The following MAP3K7CL variants were observed in gnomAD, a reference collection of about 807,000 sequenced individuals.
MAP3K7CL encodes MAP3K7 C-terminal like.
In MAP3K7CL, 16 loss-of-function variants were observed where a neutral mutation model predicts 18.6. That is an observed-to-expected ratio of 0.86 (90% confidence interval 0.58 to 1.31). The LOEUF (loss-of-function observed/expected upper bound fraction) is 1.31, where lower values mean the gene tolerates loss of function less well. MAP3K7CL is among the 50% of genes most tolerant of loss of function. MAP3K7CL has a pLI of 0.00. For missense variants in MAP3K7CL, 163 were observed against 174.4 expected, an observed-to-expected ratio of 0.93 and a Z score of 0.37; for synonymous variants, 65 against 66.8, an observed-to-expected ratio of 0.97 and a Z score of 0.13.
At chr21:29,121,754 A>T (rs1408766627) in intron 4 of MAP3K7CL, among the ~76,000 whole-genome samples, 1 of 151,734 alleles carries the variant, frequency 6.6e-6, no homozygotes, top group Non-Finnish European at 1.5e-5. Context: ...AAATGTCTGA[A>T]GGGTACTTAG....
At chr21:29,146,508 C>G (rs1407566097) in intron 2 of MAP3K7CL, among the ~76,000 whole-genome samples, 1 of 152,150 alleles carries the variant, frequency 6.6e-6, no homozygotes, top group Non-Finnish European at 1.5e-5. Flanking sequence ...TTTAACAAGG[C>G]ACAGTAATTG....
chr21:29,104,869 G>T (rs1293097025), intron 4 of MAP3K7CL, among the ~76,000 whole-genome samples: 1 of 152,074 alleles, frequency 6.6e-6, no homozygotes, highest in East Asian at 1.9e-4. Flanking sequence ...TCATGCCTTG[G>T]CCTAAGACTC....
chr21:29,104,734 G>A (rs954778544), intron 4 of MAP3K7CL, among the ~76,000 whole-genome samples: 1 of 152,202 alleles, frequency 6.6e-6, no homozygotes, highest in Non-Finnish European at 1.5e-5. Context: ...ACTCCAGGAA[G>A]CATCACCCCA....
chr21:29,098,246 T>A (rs2086157984), intron 4 of MAP3K7CL, among the ~76,000 whole-genome samples: 1 of 152,142 alleles, frequency 6.6e-6, no homozygotes, highest in African/African-American at 2.4e-5. Flanking sequence ...TTAAGAGGGA[T>A]TTTTCTCTCC....
At chr21:29,092,302 A>AACTCCAGTTTTTAGG in intron 3 of MAP3K7CL, 1 of 946,264 alleles carries the variant, frequency 1.1e-6, no homozygotes, top group Non-Finnish European at 1.6e-6. Context: ...TCCAGATTTA[A>AACTCCAGTTTTTAGG]ACCATTAACA....
At chr21:29,101,816 ATATT>A (rs1051864562) in intron 4 of MAP3K7CL, among the ~76,000 whole-genome samples, 28 of 152,192 alleles carry the variant, frequency 1.8e-4, no homozygotes, top group African/African-American at 6.8e-4. Context: ...TCAAATATAT[ATATT>A]TATTTATAAG....
At chr21:29,112,255 G>A (rs1163501850) in intron 4 of MAP3K7CL, among the ~76,000 whole-genome samples, 3 of 152,048 alleles carry the variant, frequency 2.0e-5, no homozygotes, top group Non-Finnish European at 2.9e-5. Flanking sequence ...CTGAGATCAC[G>A]CCATTGCACT....
Position 29,106,078 on chromosome 21 carries a change from G to A in MAP3K7CL, c.370+13497G>A, listed in dbSNP as rs541666364. On this transcript the variant is annotated intron_variant, in intron 4 of 6. Transcript: ENST00000286791. Reference sequence around the variant, plus strand: ...GGCTCTAAGATCAAGCCAGACTGGGGTATAAGTAACCTATATGGAATTTCC... The same window carrying A: ...GGCTCTAAGATCAAGCCAGACTGGGATATAAGTAACCTATATGGAATTTCC... 3.3e-5 allele frequency among the ~76,000 whole-genome samples: 5 copies of A among 152,154 alleles called. No individual in the cohort carries two copies. In the South Asian group the frequency reaches 8.3e-4, roughly 25 times the overall value.
upstream of MAP3K7CL, among the ~76,000 whole-genome samples, chr21:29,083,988 T>G (rs2085882115): frequency 6.8e-6 from 1 of 147,838 alleles, no homozygotes; most frequent in Non-Finnish European, 1.5e-5. Context: ...ATAACATATG[T>G]ATACACACAT....
intron 4 of MAP3K7CL, among the ~76,000 whole-genome samples, chr21:29,164,617 A>G (rs1369974600): frequency 6.6e-6 from 1 of 152,246 alleles, no homozygotes; most frequent in African/African-American, 2.4e-5. Flanking sequence ...ATTTTAAATC[A>G]TATCTGTTGG....
At chr21:29,101,440 C>A (rs899947824) in intron 4 of MAP3K7CL, among the ~76,000 whole-genome samples, 2 of 152,270 alleles carry the variant, frequency 1.3e-5, no homozygotes, top group Non-Finnish European at 2.9e-5. Flanking sequence ...GACGGAGTCT[C>A]GCTCTGTCAC....
At chr21:29,103,187 T>C (rs1345451848) in intron 4 of MAP3K7CL, among the ~76,000 whole-genome samples, 10 of 152,244 alleles carry the variant, frequency 6.6e-5, no homozygotes, top group Admixed American at 6.5e-4. Flanking sequence ...TGTTGGTTTA[T>C]ATAGTGTCTA....
chr21:29,169,790 T>C (rs1164192361), intron 4 of MAP3K7CL, among the ~76,000 whole-genome samples: 1 of 152,236 alleles, frequency 6.6e-6, no homozygotes, highest in African/African-American at 2.4e-5. Flanking sequence ...TCTTAACCAA[T>C]TGACTTGGAC....
intron 2 of MAP3K7CL, among the ~76,000 whole-genome samples, chr21:29,134,902 T>C (rs2086850487): frequency 6.6e-6 from 1 of 151,848 alleles, no homozygotes; most frequent in East Asian, 1.9e-4. Context: ...ACAAAAAAAA[T>C]TAGCTGGGCC....
Position 29,092,470 on chromosome 21 carries a change from G to A in MAP3K7CL, c.259G>A (p.Ala87Thr), listed in dbSNP as rs772079846. 2.5e-6 allele frequency: 4 copies of A among 1,614,222 alleles called. No homozygotes were observed. The South Asian group carries it at 4.4e-5, about 18-fold the overall frequency. The change falls in exon 4 of 7, where the codon GCC becomes ACC. Residue 87 changes from alanine to threonine, a missense_variant. Transcript: ENST00000286791. The stretch of plus-strand genomic sequence containing the variant: ...AGTTTTATGCTCTGCAACAAGTTTG[G>A]CCATGTTGGAGGACAATCCAAAGGT...
chr21:29,082,164 T>A (rs1454056518), upstream of MAP3K7CL, among the ~76,000 whole-genome samples: 1 of 152,230 alleles, frequency 6.6e-6, no homozygotes, highest in Non-Finnish European at 1.5e-5. Flanking sequence ...AAGTATTCTC[T>A]ACTAATATTA....
At chr21:29,166,167 A>G (rs1430120904) in intron 4 of MAP3K7CL, among the ~76,000 whole-genome samples, 1 of 151,256 alleles carries the variant, frequency 6.6e-6, no homozygotes, top group Admixed American at 6.6e-5. Context: ...TCTTCCTACC[A>G]CCCTCCCCAA....
chr21:29,091,570 G>A, exon 2 of MAP3K7CL: 1 of 701,290 alleles, frequency 1.4e-6, no homozygotes, highest in Non-Finnish European at 2.6e-6. Flanking sequence ...TGACCTCCTG[G>A]GCCCAGGTAA....
At chr21:29,089,093 C>T (rs924553117) in intron 1 of MAP3K7CL, among the ~76,000 whole-genome samples, 11 of 143,076 alleles carry the variant, frequency 7.7e-5, no homozygotes, top group African/African-American at 2.8e-4. Context: ...TCACTTGTAC[C>T]CAGGAGGGAG....
Sources: allele counts gnomAD v4.1 joint callset (sites outside exome capture counted in the v4.1 genomes callset), GRCh38; gene constraint gnomAD v4.1.1; transcripts MANE v1.5; gene names NCBI Gene and HGNC (gene_info 2026-07-23, HGNC 2026-07-21).